CLVS2: variants seen among roughly 807,000 people sequenced by gnomAD.
CLVS2 encodes clavesin 2, also known as clavesin-2.
In CLVS2, 19 loss-of-function variants were observed where a neutral mutation model predicts 29.0. The ratio of observed to expected loss-of-function variants is 0.66; its 90% CI spans 0.46 to 0.96. The LOEUF is 0.96. Ranked by LOEUF, CLVS2 falls within the 40% of genes least tolerant of loss-of-function variation. CLVS2 has a pLI of 0.00. For missense variants in CLVS2, 294 were observed against 404.1 expected (o/e 0.73, Z 2.34); for synonymous variants, 161 against 151.3 (o/e 1.06, Z -0.47).
intron 3 of CLVS2, among the ~76,000 whole-genome samples, chr6:123,029,142 C>T (rs891014568): frequency 2.7e-4 from 41 of 152,256 alleles, no homozygotes; most frequent in African/African-American, 9.9e-4. Flanking sequence ...CTGTGATAAA[C>T]AAATGTTGTT....
rs1772925713 is a variant in CLVS2 at position 123,070,441 on chromosome 6, C to T, written c.*6680C>T. ...TCTTCTTCACTGTATTGGACCAAGTCTTCAACATTTTCCATCTGGAATATT... is the reference window on the plus strand; with the variant it reads ...TCTTCTTCACTGTATTGGACCAAGTTTTCAACATTTTCCATCTGGAATATT... On this transcript the variant is annotated 3_prime_UTR_variant, in exon 6 of 6. Transcript: ENST00000275162. 6.6e-6 allele frequency: 1 copy of T among 151,942 alleles called. No homozygotes were observed. Among genetic ancestry groups the T allele is most frequent in the Non-Finnish European group, 1.5e-5 (1 of 67,916 alleles). 9.4% of individuals were successfully genotyped at this position (151,942 alleles called of 1,614,324 possible). A position where few individuals can be genotyped will look rare whatever the true frequency, so the allele number is the denominator to read the frequency against.
intron 3 of CLVS2, among the ~76,000 whole-genome samples, chr6:123,032,919 A>T (rs1775103076): frequency 6.6e-6 from 1 of 152,152 alleles, no homozygotes; most frequent in Non-Finnish European, 1.5e-5. Flanking sequence ...GTATTCTATA[A>T]ATCCAGAGCA....
intron 5 of CLVS2, among the ~76,000 whole-genome samples, chr6:123,062,750 G>T (rs71574812): frequency 0.044 from 6,640 of 152,256 alleles, 167 homozygotes; most frequent in Middle Eastern, 0.054. Flanking sequence ...AGAAGTTAAT[G>T]AGGTCTGCTA....
chr6:123,025,441 A>G (rs1774987530), intron 3 of CLVS2, among the ~76,000 whole-genome samples: 1 of 152,176 alleles, frequency 6.6e-6, no homozygotes, highest in Non-Finnish European at 1.5e-5. Context: ...GATTTGTCTC[A>G]CTATCCTGTT....
At chr6:123,019,927 C>T (rs1182491290) in intron 3 of CLVS2, among the ~76,000 whole-genome samples, 1 of 151,636 alleles carries the variant, frequency 6.6e-6, no homozygotes, top group African/African-American at 2.4e-5. Context: ...GATCAGTGTT[C>T]CAGCTCAAAG....
intron 3 of CLVS2, among the ~76,000 whole-genome samples, chr6:123,028,739 A>G (rs537752083): frequency 1.3e-5 from 2 of 152,238 alleles, no homozygotes; most frequent in South Asian, 4.1e-4. Context: ...GCTATCTGAT[A>G]TTATTCATTT....
intron 3 of CLVS2, among the ~76,000 whole-genome samples, chr6:123,022,853 C>T (rs1217663256): frequency 6.6e-6 from 1 of 152,050 alleles, no homozygotes; most frequent in East Asian, 1.9e-4. Flanking sequence ...AGAGAAAGCA[C>T]ATTCTGCCTC....
chr6:123,050,552 A>T (rs1001895840), intron 4 of CLVS2, among the ~76,000 whole-genome samples: 1 of 152,220 alleles, frequency 6.6e-6, no homozygotes, highest in East Asian at 1.9e-4. Context: ...AATAGCAAAG[A>T]CAAATGTCTT....
At chr6:123,043,752 T>G (rs765943109) in intron 3 of CLVS2, among the ~76,000 whole-genome samples, 19 of 152,146 alleles carry the variant, frequency 1.2e-4, no homozygotes, top group Non-Finnish European at 2.5e-4. Flanking sequence ...GTACCAGAAA[T>G]TATACTGATT....
At chr6:123,049,810 G>GGA (rs1562173620) in intron 4 of CLVS2, among the ~76,000 whole-genome samples, 1 of 131,720 alleles carries the variant, frequency 7.6e-6, no homozygotes, top group African/African-American at 4.0e-5. Context: ...GGGATGGGGG[G>GGA]CGGGGAGGAA....
At chr6:123,046,059 C>T (rs1329893474) in intron 3 of CLVS2, among the ~76,000 whole-genome samples, 3 of 152,004 alleles carry the variant, frequency 2.0e-5, no homozygotes, top group East Asian at 3.9e-4. Context: ...TGACTGGAAG[C>T]GAGGAAGATC....
chr6:123,051,628 A>G (rs533050092), intron 4 of CLVS2, among the ~76,000 whole-genome samples: 1 of 152,324 alleles, frequency 6.6e-6, no homozygotes, highest in South Asian at 2.1e-4. Context: ...CTTTTAGTCA[A>G]TATGGCCAAT....
At chr6:123,056,250 A>G (rs886242161) in intron 5 of CLVS2, among the ~76,000 whole-genome samples, 2 of 152,152 alleles carry the variant, frequency 1.3e-5, no homozygotes, top group Non-Finnish European at 2.9e-5. Flanking sequence ...CAAATATACA[A>G]TACATTATTA....
At chr6:123,010,489 C>G (rs934864327) in intron 2 of CLVS2, among the ~76,000 whole-genome samples, 38 of 152,138 alleles carry the variant, frequency 2.5e-4, no homozygotes, top group African/African-American at 8.9e-4. Context: ...TCCCTACCAC[C>G]TTTCCTTTTC....
At position 122,998,184 on chromosome 6, in the gene CLVS2, A is replaced by G. The variant is rs764272007; in HGVS notation, c.389+18A>G. On this transcript the variant is annotated intron_variant, in intron 2 of 5. Coordinates refer to ENST00000275162, the MANE Select transcript of CLVS2 (RefSeq NM_001010852.4). ...CAGAGCAGGTAAATCCTAAATCCAA[A>G]CTTGTATTCTCCTTTTACTCTCCCA... 3.1e-6 allele frequency: 5 copies of G among 1,600,342 alleles called. No individual in the cohort carries two copies. In the South Asian group the frequency reaches 3.3e-5, roughly 11 times the overall value.
chr6:123,011,375 A>G (rs1372219967), intron 3 of CLVS2, among the ~76,000 whole-genome samples: 1 of 152,056 alleles, frequency 6.6e-6, no homozygotes, highest in Non-Finnish European at 1.5e-5. Flanking sequence ...CTCCCTGTCT[A>G]AACAAATACA....
At chr6:123,060,177 A>C (rs1161508045) in intron 5 of CLVS2, among the ~76,000 whole-genome samples, 2 of 152,174 alleles carry the variant, frequency 1.3e-5, no homozygotes, top group Non-Finnish European at 2.9e-5. Flanking sequence ...TCCATCACTA[A>C]AGAGTTGTGG....
rs780230722 is a variant in CLVS2 at position 123,055,805 on chromosome 6, G to A, written c.676-1G>A. 1 of 1,604,350 alleles carries A rather than the reference G, an allele frequency of 6.2e-7. No homozygotes were observed. The highest frequency in any genetic ancestry group is 8.5e-7 in the Non-Finnish European group (1 of 1,171,146). The stretch of plus-strand genomic sequence containing the variant: ...TTCCTCCCGTCTTCTTGCATTTATA[G>A]ATATTTTTGCATGGTAACAACCTGA... On this transcript the variant is annotated splice_acceptor_variant, in intron 4 of 5. Transcript: ENST00000275162. LOFTEE classifies it high-confidence loss of function.
chr6:123,053,851 A>G (rs1040199359), intron 4 of CLVS2, among the ~76,000 whole-genome samples: 4 of 152,080 alleles, frequency 2.6e-5, no homozygotes, highest in Non-Finnish European at 5.9e-5. Context: ...AATACAACCG[A>G]GTAGGGGAGA....
Sources: gnomAD v4.1 joint callset for allele counts (sites outside exome capture counted in the v4.1 genomes callset) on GRCh38, gnomAD v4.1.1 for gene constraint, MANE v1.5 for transcripts, NCBI Gene and HGNC (gene_info 2026-07-23, HGNC 2026-07-21) for gene names.